Variants in ZNF596 observed in about 807,000 individuals in gnomAD.
ZNF596 encodes the protein zinc finger protein 596.
A neutral mutation model predicts 48.3 loss-of-function variants in ZNF596; 45 were observed. The observed-to-expected ratio is 0.93, with a 90% confidence interval of 0.73 to 1.19. The LOEUF is 1.19. ZNF596 is among the 50% of genes most tolerant of loss of function. The pLI is 0.00. For missense variants in ZNF596, 848 were observed against 599.7 expected (o/e 1.41, Z -4.32); for synonymous variants, 270 against 202.0 (o/e 1.34, Z -2.85).
At chr8:232,842 C>A (rs957490631) in intron 1 of ZNF596, 148 bp downstream of exon 1, 46 of 448,760 alleles carry the variant, frequency 1.0e-4, no homozygotes, top group African/African-American at 9.5e-4. Context: ...TCTCCGCAAA[C>A]CCCACGCTTC....
rs376316711 is a variant in ZNF596 at position 245,781 on chromosome 8, T to C, written c.934T>C (p.Cys312Arg). 8.1e-6 allele frequency: 13 copies of C among 1,614,002 alleles called. No individual in the cohort carries two copies. The highest frequency in any genetic ancestry group is 1.1e-5 in the Non-Finnish European group (13 of 1,180,026). Residue 312 changes from cysteine (C) to arginine (R), a missense_variant, in exon 6 of 6, where the codon TGT (cysteine) becomes CGT (arginine). Transcript: ENST00000398612. ...AGATAAACCATATGGATGTCTCCTA[T>C]GTGGGAAGGCTTTCAGTAAATGTTC... is the stretch of plus-strand genomic sequence containing the variant. ...LGDKPYGCLL[C>R]GKAFSKCSYL...
rs769685784 is a variant in ZNF596 at position 245,707 on chromosome 8, C to A, written c.860C>A (p.Ala287Asp). 6 of 1,613,996 alleles carry A rather than the reference C, an allele frequency of 3.7e-6. No homozygotes were observed. The highest frequency in any genetic ancestry group is 1.7e-5 in the Admixed American group (1 of 59,996). ...KAQICHLCGKAFTHCSDLRKH... is the reference protein window; with the variant it reads ...KAQICHLCGKDFTHCSDLRKH... ...CAGATATGCCATCTATGTGGGAAAG[C>A]CTTCACTCATTGCTCTGACCTTAGA... Residue 287 changes from alanine (A) to aspartate (D), a missense_variant, in exon 6 of 6, where the codon GCC becomes GAC. Coordinates refer to ENST00000398612, the MANE Select transcript of ZNF596 (RefSeq NM_001042416.3).
intron 1 of ZNF596, chr8:233,027 A>G (rs1054301095): frequency 4.3e-6 from 2 of 468,346 alleles, no homozygotes; most frequent in South Asian, 1.5e-5. Flanking sequence ...GGGCTTCTTC[A>G]TTGCCTCGCT....
chr8:242,720 C>G (rs1796904028), intron 2 of ZNF596, among the ~76,000 whole-genome samples, 167 bp from the exon 3 acceptor site: 1 of 152,176 alleles, frequency 6.6e-6, no homozygotes, highest in South Asian at 2.1e-4. Context: ...AATCTGAAAG[C>G]CAGATTCCCA....
chr8:244,420 G>C (rs912282866), intron 4 of ZNF596, 199 bp from the exon 5 acceptor site: 1 of 550,102 alleles, frequency 1.8e-6, no homozygotes, highest in East Asian at 3.2e-5. Flanking sequence ...TTCCTTCCTC[G>C]ACTTGCCTTT....
chr8:235,132 A>T (rs2117063316), intron 1 of ZNF596, among the ~76,000 whole-genome samples: 1 of 152,346 alleles, frequency 6.6e-6, no homozygotes, highest in East Asian at 1.9e-4. Context: ...CATTTCATCC[A>T]CACGATGGAG....
chr8:240,116 T>G (rs1465828773), intron 1 of ZNF596, among the ~76,000 whole-genome samples: 3 of 152,222 alleles, frequency 2.0e-5, no homozygotes, highest in Non-Finnish European at 4.4e-5. Context: ...TTCTTACAAC[T>G]AACAATGTCA....
At chr8:240,625 A>G (rs1796814397) in intron 1 of ZNF596, 199 bp from the exon 2 acceptor site, 1 of 455,212 alleles carries the variant, frequency 2.2e-6, no homozygotes, top group South Asian at 4.5e-5. Context: ...TTCTAGGTCT[A>G]AAATAAAAAT....
rs775453462 is a variant in ZNF596 at position 245,711 on chromosome 8, C to T, written c.864C>T (p.Phe288=). The part of the protein sequence containing the change: ...AQICHLCGKA[F]THCSDLRKHE... ...TATGCCATCTATGTGGGAAAGCCTT[C>T]ACTCATTGCTCTGACCTTAGAAAAC... Residue 288 remains phenylalanine, a synonymous_variant, in exon 6 of 6, where the codon TTC becomes TTT. Coordinates refer to ENST00000398612, the MANE Select transcript of ZNF596 (RefSeq NM_001042416.3). The T allele has an allele frequency of 3.7e-6, 6 of 1,614,028 alleles. No homozygotes were observed. In the Admixed American group the frequency reaches 8.3e-5, roughly 22 times the overall value.
intron 4 of ZNF596, chr8:244,092 G>A: frequency 4.4e-6 from 1 of 229,154 alleles, no homozygotes; most frequent in Non-Finnish European, 8.6e-6. Context: ...GTTTCAACAT[G>A]TTGGCCAGGC....
intron 1 of ZNF596, among the ~76,000 whole-genome samples, chr8:239,300 T>C (rs1009226715): frequency 2.6e-5 from 4 of 152,278 alleles, no homozygotes; most frequent in African/African-American, 9.6e-5. Context: ...GCGATTCTCA[T>C]ACCTCAGCCT....
chr8:246,286 G>C lies in ZNF596; in HGVS notation c.1439G>C (p.Cys480Ser). ...TGEKPYVCPL[C>S]GKAFSKFFNL... is the part of the protein sequence containing the mutation. ...GAGAAACCATATGTATGTCCTCTAT[G>C]TGGGAAAGCCTTTAGTAAATTTTTT... The change falls in exon 6 of 6, where the codon TGT (cysteine) becomes TCT (serine). Residue 480 changes from cysteine (C) to serine (S), a missense_variant. Coordinates refer to ENST00000398612, the MANE Select transcript of ZNF596 (RefSeq NM_001042416.3). 6.2e-7 allele frequency: 1 copy of C among 1,610,436 alleles called. No homozygotes were observed. Among genetic ancestry groups the C allele is most frequent in the Non-Finnish European group, 8.5e-7 (1 of 1,178,976 alleles).
In ZNF596 at chr8:238,628, C is replaced by CAAAAAAAA. The variant is rs1167168569; in HGVS notation, c.-72-2174_-72-2167dup. 8.0e-4 allele frequency among the ~76,000 whole-genome samples: 32 copies of CAAAAAAAA among 39,852 alleles called. 1 individual carries two copies. Among genetic ancestry groups the CAAAAAAAA allele is most frequent in the African/African-American group, 1.9e-3 (32 of 16,620 alleles). The allele number at this position is 39,852 out of a possible 152,430, so 26.1% of individuals were successfully genotyped here. ...TCAGCTTTGCCAACATGGTGAAATACAAAAAAAAAAAAAAAAAAAAAAAAA... is the reference window on the plus strand; with the variant it reads ...TCAGCTTTGCCAACATGGTGAAATACAAAAAAAAAAAAAAAAAAAAAAAAAAAAAAAAA... On this transcript the variant is annotated intron_variant, in intron 1 of 5. Transcript: ENST00000398612.
In ZNF596 at chr8:245,687, A is replaced by T. The variant is rs779632312; in HGVS notation, c.840A>T (p.Ile280=). ...TTCACACTAGAGAAAAAGCACAGAT[A>T]TGCCATCTATGTGGGAAAGCCTTCA... The part of the protein sequence containing the change: ...EMIHTREKAQ[I]CHLCGKAFTH... Residue 280 remains isoleucine, a synonymous_variant, in exon 6 of 6, where the codon ATA becomes ATT. Transcript: ENST00000398612. 1 of 1,614,134 alleles carries T rather than the reference A, an allele frequency of 6.2e-7. No individual in the cohort carries two copies. Among genetic ancestry groups the T allele is most frequent in the Non-Finnish European group, 8.5e-7 (1 of 1,180,010 alleles).
intron 2 of ZNF596, among the ~76,000 whole-genome samples, chr8:242,670 A>G (rs1296201783): frequency 6.6e-6 from 1 of 152,200 alleles, no homozygotes; most frequent in Admixed American, 6.5e-5. Context: ...ATGCCACACC[A>G]CATGTGATAT....
At chr8:234,259 A>T (rs906252508) in intron 1 of ZNF596, 3 of 152,224 alleles carry the variant, frequency 2.0e-5, no homozygotes, top group Non-Finnish European at 4.4e-5. Context: ...AGACCAGTTG[A>T]TATACCCACA....
At chr8:234,483 TC>T (rs1257009914) in intron 1 of ZNF596, 1 of 152,102 alleles carries the variant, frequency 6.6e-6, no homozygotes, top group African/African-American at 2.4e-5. Context: ...TGATGAGAGG[TC>T]CTGAAATGCA....
Position 246,890 on chromosome 8 carries a change from T to A in ZNF596, c.*528T>A, listed in dbSNP as rs991360193. On this transcript the variant is annotated 3_prime_UTR_variant, in exon 6 of 6. Coordinates refer to ENST00000398612, the MANE Select transcript of ZNF596 (RefSeq NM_001042416.3). Reference sequence around the variant, plus strand: ...CCTCTTGAACAATTCCAGACATTCATAGTGGAGAAGTTATTCAATGAAAAC... The same window carrying A: ...CCTCTTGAACAATTCCAGACATTCAAAGTGGAGAAGTTATTCAATGAAAAC... The A allele has an allele frequency of 1.9e-5, 3 of 154,016 alleles. No individual in the cohort carries two copies. The highest frequency in any genetic ancestry group is 4.3e-5 in the Non-Finnish European group (3 of 69,360). The allele number at this position is 154,016 out of a possible 1,614,324, so 9.5% of individuals were successfully genotyped here. A position where few individuals can be genotyped will look rare whatever the true frequency, so the allele number is the denominator to read the frequency against.
rs372031214 is a variant in ZNF596, at chr8:246,380, G to A, written c.*18G>A. The A allele has an allele frequency of 5.7e-5, 88 of 1,554,544 alleles. No individual in the cohort carries two copies. The highest frequency in any genetic ancestry group is 2.2e-4 in the East Asian group (10 of 44,578). On this transcript the variant is annotated 3_prime_UTR_variant, in exon 6 of 6. Transcript: ENST00000398612. ...ATATGTAAGAATCATCAGCTGTAGC[G>A]TTAACACTAAATACACCAAGGACAA... is the stretch of plus-strand genomic sequence containing the variant.
Sources: gnomAD v4.1 joint callset for allele counts (sites outside exome capture counted in the v4.1 genomes callset) on GRCh38, gnomAD v4.1.1 for gene constraint, MANE v1.5 for transcripts, NCBI Gene and HGNC (gene_info 2026-07-23, HGNC 2026-07-21) for gene names.